The following RCL1 variants were observed in gnomAD, a reference collection of about 807,000 sequenced individuals.
The protein encoded by RCL1 is RNA terminal phosphate cyclase like 1.
In RCL1, 24 loss-of-function variants were observed where a neutral mutation model predicts 42.4. The observed-to-expected ratio is 0.57, with a 90% CI of 0.41 to 0.80. The LOEUF (loss-of-function observed/expected upper bound fraction) is 0.80, where lower values mean the gene tolerates loss of function less well. RCL1 is among the 30% of genes least tolerant of loss of function. The pLI is 0.00. For synonymous variants in RCL1, 228 were observed against 177.3 expected (o/e 1.29, Z -2.27); for missense variants, 578 against 467.9 (o/e 1.24, Z -2.17).
chr9:4,841,275 G>A lies in RCL1; in HGVS notation c.628G>A (p.Asp210Asn). The change falls in exon 6 of 9, where the codon GAT becomes AAT. Residue 210 changes from aspartate (D) to asparagine (N), a missense_variant. Asp to Asn is a conservative substitution (Grantham distance 23). Coordinates refer to ENST00000381750, the MANE Select transcript of RCL1 (RefSeq NM_005772.5). ...VSPQMANRIV[D>N]SARSILNKFI... Reference sequence around the variant, plus strand: ...ACCTCAGATGGCGAACCGGATTGTGGATTCTGCAAGGAGCATCCTCAACAA... The same window carrying A: ...ACCTCAGATGGCGAACCGGATTGTGAATTCTGCAAGGAGCATCCTCAACAA... 1 of 1,613,474 alleles carries A rather than the reference G, an allele frequency of 6.2e-7. No homozygotes were observed. Among genetic ancestry groups the A allele is most frequent in the Non-Finnish European group, 8.5e-7 (1 of 1,179,452 alleles).
chr9:4,839,142 T>G (rs997089566), intron 5 of RCL1, among the ~76,000 whole-genome samples: 1 of 152,236 alleles, frequency 6.6e-6, no homozygotes, highest in African/African-American at 2.4e-5. Context: ...AGGACATCCA[T>G]GCCAAGCCAG....
rs1004019827 is a variant in RCL1, at chr9:4,860,598, C to G, written c.*323C>G. 8.1e-6 allele frequency: 2 copies of G among 248,022 alleles called. No homozygotes were observed. Among genetic ancestry groups the G allele is most frequent in the Non-Finnish European group, 1.5e-5 (2 of 131,070 alleles). 15.4% of individuals were successfully genotyped at this position (248,022 alleles called of 1,614,324 possible). ...CTGCAGTTCAGCTGTGCTTCCTCAGCCTACTATCATAGGCTTCCTCAGCCC... is the reference window on the plus strand; with the variant it reads ...CTGCAGTTCAGCTGTGCTTCCTCAGGCTACTATCATAGGCTTCCTCAGCCC... On this transcript the variant is annotated 3_prime_UTR_variant, in exon 9 of 9. Coordinates refer to ENST00000381750, the MANE Select transcript of RCL1 (RefSeq NM_005772.5).
chr9:4,813,483 G>A (rs199944246), intron 1 of RCL1, among the ~76,000 whole-genome samples: 2 of 152,106 alleles, frequency 1.3e-5, no homozygotes, highest in Non-Finnish European at 2.9e-5. Context: ...CAAAACCACA[G>A]TGAGATACCA....
At chr9:4,849,618 G>A (rs998315206) in intron 8 of RCL1, 68 bp downstream of exon 8, 48 of 1,197,818 alleles carry the variant, frequency 4.0e-5, no homozygotes, top group Non-Finnish European at 5.1e-5. Context: ...AAATGACAAA[G>A]GGTGTTGTGC....
intron 3 of RCL1, among the ~76,000 whole-genome samples, chr9:4,827,761 CGTGT>C (rs59604765): frequency 2.0e-5 from 3 of 147,558 alleles, no homozygotes; most frequent in Non-Finnish European, 3.0e-5. Flanking sequence ...TGTGTGCACG[CGTGT>C]GTGTGTGTGT....
At chr9:4,836,416 G>C (rs1010519356) in intron 5 of RCL1, among the ~76,000 whole-genome samples, 17 of 152,176 alleles carry the variant, frequency 1.1e-4, no homozygotes, top group Admixed American at 1.0e-3. Flanking sequence ...ACTTTAACAG[G>C]CTTAAAGATC....
chr9:4,833,035 T>A (rs1161550034), intron 3 of RCL1, 119 bp from the exon 4 acceptor site: 7 of 691,290 alleles, frequency 1.0e-5, no homozygotes, highest in East Asian at 2.7e-5. Flanking sequence ...TATGCCAGCA[T>A]CCTTTCTGTT....
chr9:4,835,475 T>G, intron 5 of RCL1, among the ~76,000 whole-genome samples: 4 of 151,290 alleles, frequency 2.6e-5, no homozygotes, highest in Non-Finnish European at 4.4e-5. Context: ...GGTTGTGGAG[T>G]GAAGGGGAGG....
intron 1 of RCL1, among the ~76,000 whole-genome samples, 169 bp from the exon 2 acceptor site, chr9:4,823,379 G>A (rs1816657883): frequency 6.6e-6 from 1 of 150,390 alleles, no homozygotes; most frequent in Non-Finnish European, 1.5e-5. Flanking sequence ...ACTGCGTCAG[G>A]TTCCTCAACC....
rs183628424 is a variant in RCL1 at position 4,817,543 on chromosome 9, G to T, written c.137-6005G>T. On this transcript the variant is annotated intron_variant, in intron 1 of 8. Coordinates refer to ENST00000381750, the MANE Select transcript of RCL1 (RefSeq NM_005772.5). ...GGCCACAGTGCAGTGGCTCCATCATGGCTCACTTCAGCCTCAACCTCTTGG... is the reference window on the plus strand; with the variant it reads ...GGCCACAGTGCAGTGGCTCCATCATTGCTCACTTCAGCCTCAACCTCTTGG... 1.4e-4 allele frequency among the ~76,000 whole-genome samples: 21 copies of T among 150,726 alleles called. No individual in the cohort carries two copies. The East Asian group carries it at 4.1e-3, about 29-fold the overall frequency.
intron 3 of RCL1, among the ~76,000 whole-genome samples, chr9:4,832,277 G>C (rs1323175351): frequency 2.0e-5 from 3 of 152,098 alleles, no homozygotes; most frequent in Non-Finnish European, 2.9e-5. Context: ...AGTTTGTGCT[G>C]CTTCCTGTAG....
intron 8 of RCL1, among the ~76,000 whole-genome samples, chr9:4,853,038 C>T (rs1480090891): frequency 1.3e-5 from 2 of 152,162 alleles, no homozygotes; most frequent in East Asian, 1.9e-4. Context: ...AAACTACACA[C>T]ATCTTATTGA....
intron 7 of RCL1, among the ~76,000 whole-genome samples, chr9:4,846,785 G>A (rs895744351): frequency 2.6e-5 from 4 of 152,206 alleles, no homozygotes; most frequent in Non-Finnish European, 5.9e-5. Flanking sequence ...CAGCTAGAGT[G>A]TGGGGTTTAT....
chr9:4,824,909 A>G (rs561561239), intron 2 of RCL1, among the ~76,000 whole-genome samples: 7 of 151,994 alleles, frequency 4.6e-5, no homozygotes, highest in African/African-American at 1.2e-4. Flanking sequence ...GGATAATTCT[A>G]TTCTTTTTTT....
chr9:4,810,827 G>T (rs746732855), intron 1 of RCL1, among the ~76,000 whole-genome samples: 85 of 152,122 alleles, frequency 5.6e-4, no homozygotes, highest in Non-Finnish European at 7.4e-4. Context: ...TAGGTGTATT[G>T]TAGTCATTCA....
At chr9:4,856,499 C>T (rs1817967395) in intron 8 of RCL1, among the ~76,000 whole-genome samples, 1 of 152,108 alleles carries the variant, frequency 6.6e-6, no homozygotes, top group Non-Finnish European at 1.5e-5. Context: ...TTATACAGTA[C>T]CTTGTTTGAA....
At chr9:4,816,691 A>T (rs1190993871) in intron 1 of RCL1, among the ~76,000 whole-genome samples, 1 of 152,188 alleles carries the variant, frequency 6.6e-6, no homozygotes, top group Non-Finnish European at 1.5e-5. Context: ...GATGTTATTT[A>T]AGATTTTTCA....
intron 8 of RCL1, among the ~76,000 whole-genome samples, chr9:4,851,281 G>A (rs1563858597): frequency 6.6e-6 from 1 of 152,178 alleles, no homozygotes; most frequent in Non-Finnish European, 1.5e-5. Context: ...ATTGTAAGAT[G>A]ATGTATCTTG....
intron 1 of RCL1, among the ~76,000 whole-genome samples, chr9:4,820,916 C>T (rs374904556): frequency 6.6e-6 from 1 of 152,142 alleles, no homozygotes; most frequent in African/African-American, 2.4e-5. Context: ...TGAAGTTTCA[C>T]GAACAGCATC....
Sources: allele counts gnomAD v4.1 joint callset (sites outside exome capture counted in the v4.1 genomes callset), GRCh38; gene constraint gnomAD v4.1.1; transcripts MANE v1.5; gene names NCBI Gene and HGNC (gene_info 2026-07-23, HGNC 2026-07-21).